LCOR: variants seen among roughly 807,000 people sequenced by gnomAD.
LCOR encodes the protein ligand-dependent corepressor.
Under a neutral mutation model 64.4 loss-of-function variants are expected in LCOR, and 14 were observed. The observed-to-expected ratio is 0.22, with a 90% CI of 0.14 to 0.34. The LOEUF is 0.34. Ranked by LOEUF, LCOR falls within the 10% of genes least tolerant of loss-of-function variation. The pLI, the probability that LCOR is intolerant of heterozygous loss-of-function variation, is 1.00. For synonymous variants in LCOR, 643 were observed against 642.5 expected (o/e 1.00, Z -0.01); for missense variants, 1,686 against 1,765.3 (o/e 0.96, Z 0.80).
chr10:96,949,269 A>T lies in LCOR; in HGVS notation c.212A>T (p.Lys71Met). ...QDSPLDLTVR[K>M]SQSEPSEQDG... is the part of the protein sequence containing the mutation. ...TCACCTCTGGACCTTACTGTCAGAA[A>T]GTCTCAGTCAGAACCTAGCGAACAA... Residue 71 changes from lysine (K) to methionine (M), a missense_variant, in exon 6 of 8, where the codon AAG (lysine) becomes ATG (methionine). Physicochemically the swap from Lys to Met is moderately conservative, Grantham distance 95 (BLOSUM62 -1). Transcript: ENST00000421806. 6.2e-7 allele frequency: 1 copy of T among 1,614,098 alleles called. No individual in the cohort carries two copies. The highest frequency in any genetic ancestry group is 8.5e-7 in the Non-Finnish European group (1 of 1,179,988).
At chr10:96,910,780 G>A (rs928218669) in intron 4 of LCOR, among the ~76,000 whole-genome samples, 1 of 152,182 alleles carries the variant, frequency 6.6e-6, no homozygotes. Flanking sequence ...ATTTGGAAAA[G>A]CACTTAGAAA....
intron 2 of LCOR, among the ~76,000 whole-genome samples, chr10:96,838,836 T>G (rs1845490770): frequency 6.6e-6 from 1 of 152,264 alleles, no homozygotes; most frequent in African/African-American, 2.4e-5. Flanking sequence ...TTCACTTGAG[T>G]ATGTACCTAG....
intron 4 of LCOR, among the ~76,000 whole-genome samples, chr10:96,926,165 C>T (rs982196064): frequency 6.6e-6 from 1 of 152,172 alleles, no homozygotes; most frequent in Non-Finnish European, 1.5e-5. Context: ...ACACATACCC[C>T]CTTTTTTGCC....
At chr10:96,942,198 G>A (rs1276953503) in intron 4 of LCOR, among the ~76,000 whole-genome samples, 10 of 150,334 alleles carry the variant, frequency 6.7e-5, no homozygotes, top group South Asian at 2.1e-4. Context: ...CCGGCACCTC[G>A]GGAGGCCGAG....
Position 96,917,556 on chromosome 10 carries a change from C to T in LCOR, c.-184+9809C>T, listed in dbSNP as rs186532933. 3.3e-5 allele frequency among the ~76,000 whole-genome samples: 5 copies of T among 152,252 alleles called. No individual in the cohort carries two copies. In the East Asian group the frequency reaches 9.6e-4, roughly 29 times the overall value. On this transcript the variant is annotated intron_variant, in intron 4 of 7. Transcript: ENST00000421806. ...GGTGCAGTAGATGACACTGGAGTTG[C>T]TTAATCTAGAAGTTAGAACTCAAAC...
intron 2 of LCOR, among the ~76,000 whole-genome samples, chr10:96,886,062 G>A (rs1230462366): frequency 6.6e-6 from 1 of 152,084 alleles, no homozygotes; most frequent in African/African-American, 2.4e-5. Flanking sequence ...ATTTCTAGTA[G>A]AGACGAGGTT....
At chr10:96,893,069 T>C (rs902000609) in intron 2 of LCOR, among the ~76,000 whole-genome samples, 3 of 152,208 alleles carry the variant, frequency 2.0e-5, no homozygotes, top group African/African-American at 7.2e-5. Flanking sequence ...TCTCATTTAT[T>C]TTACTACATA....
chr10:96,964,768 C>T (rs957189526), intron 7 of LCOR, among the ~76,000 whole-genome samples: 12 of 151,942 alleles, frequency 7.9e-5, no homozygotes, highest in South Asian at 2.1e-4. Context: ...TTCATAATAC[C>T]GTCTTCTGTC....
intron 4 of LCOR, among the ~76,000 whole-genome samples, chr10:96,932,041 G>C (rs1847270462): frequency 6.6e-6 from 1 of 152,094 alleles, no homozygotes; most frequent in Non-Finnish European, 1.5e-5. Context: ...CTAGGTCTTT[G>C]ATCTTTCTTT....
At chr10:96,887,636 T>C (rs1846366245) in intron 2 of LCOR, among the ~76,000 whole-genome samples, 1 of 151,830 alleles carries the variant, frequency 6.6e-6, no homozygotes, top group Non-Finnish European at 1.5e-5. Flanking sequence ...ATGGAAAATA[T>C]GCATAAAAGC....
intron 2 of LCOR, among the ~76,000 whole-genome samples, chr10:96,892,210 A>G (rs1169523603): frequency 6.6e-6 from 1 of 152,014 alleles, no homozygotes; most frequent in Non-Finnish European, 1.5e-5. Context: ...TCTAGCTATT[A>G]TTGTTGAGCC....
intron 2 of LCOR, among the ~76,000 whole-genome samples, chr10:96,890,403 T>C (rs1197537576): frequency 6.6e-6 from 1 of 152,208 alleles, no homozygotes; most frequent in Admixed American, 6.5e-5. Context: ...GATTTTCTTA[T>C]GCTAATCTTG....
intron 4 of LCOR, among the ~76,000 whole-genome samples, chr10:96,919,902 C>T (rs1847018425): frequency 6.6e-6 from 1 of 152,098 alleles, no homozygotes; most frequent in Admixed American, 6.6e-5. Flanking sequence ...CATCAGTGGA[C>T]CCTTGGTTTG....
intron 4 of LCOR, among the ~76,000 whole-genome samples, chr10:96,919,813 TTGTA>T (rs1847017165): frequency 6.6e-6 from 1 of 152,232 alleles, no homozygotes; most frequent in African/African-American, 2.4e-5. Context: ...TTCTATATTG[TTGTA>T]TGTGTCAGAA....
At chr10:96,955,841 G>A (rs1223279134) in intron 7 of LCOR, 1 of 1,614,178 alleles carries the variant, frequency 6.2e-7, no homozygotes, top group South Asian at 1.1e-5. Context: ...TGAGGTCGGA[G>A]GGGCCAGATG....
At chr10:96,938,233 C>A (rs560331056) in intron 4 of LCOR, among the ~76,000 whole-genome samples, 3 of 147,280 alleles carry the variant, frequency 2.0e-5, no homozygotes, top group Admixed American at 6.6e-5. Context: ...AGGCATGAGC[C>A]GCTGTACCTG....
intron 2 of LCOR, among the ~76,000 whole-genome samples, chr10:96,894,955 A>G (rs1009306585): frequency 1.3e-5 from 2 of 152,216 alleles, no homozygotes; most frequent in Admixed American, 6.5e-5. Context: ...AACAGTAAAA[A>G]AGACCTGACC....
chr10:96,885,540 C>T (rs1025911080), intron 2 of LCOR, among the ~76,000 whole-genome samples: 1 of 149,138 alleles, frequency 6.7e-6, no homozygotes, highest in African/African-American at 2.5e-5. Flanking sequence ...TGCCACTGCT[C>T]CTGGCTAATT....
chr10:96,912,496 T>C (rs1846856193), intron 4 of LCOR, among the ~76,000 whole-genome samples: 1 of 152,210 alleles, frequency 6.6e-6, no homozygotes, highest in Non-Finnish European at 1.5e-5. Flanking sequence ...GTCTGACTGA[T>C]GTTGTATCAT....
Sources: allele counts gnomAD v4.1 joint callset (sites outside exome capture counted in the v4.1 genomes callset), GRCh38; gene constraint gnomAD v4.1.1; transcripts MANE v1.5; gene names NCBI Gene and HGNC (gene_info 2026-07-23, HGNC 2026-07-21).